MDGA2: variants seen among roughly 807,000 people sequenced by gnomAD.
MDGA2 encodes MAM domain containing glycosylphosphatidylinositol anchor 2, also known as MAM domain-containing glycosylphosphatidylinositol anchor protein 2.
MDGA2 carries 40 observed loss-of-function variants against 117.8 expected under a neutral mutation model. That is an observed-to-expected ratio of 0.34 (90% CI 0.26 to 0.44). The LOEUF (loss-of-function observed/expected upper bound fraction) is 0.44, where lower values mean the gene tolerates loss of function less well. MDGA2 is among the 20% of genes least tolerant of loss of function. MDGA2 has a pLI of 1.00. For synonymous variants in MDGA2, 452 were observed against 439.0 expected (o/e 1.03, Z -0.37); for missense variants, 1,123 against 1,250.6 (o/e 0.90, Z 1.54).
At chr14:47,029,965 C>T (rs751734169) in intron 8 of MDGA2, among the ~76,000 whole-genome samples, 24 of 151,654 alleles carry the variant, frequency 1.6e-4, no homozygotes, top group Non-Finnish European at 2.9e-4. Context: ...GTAGCTGGGA[C>T]TACAGGTGCA....
chr14:47,209,443 A>G (rs1885804540), intron 3 of MDGA2, among the ~76,000 whole-genome samples: 1 of 152,134 alleles, frequency 6.6e-6, no homozygotes, highest in African/African-American at 2.4e-5. Flanking sequence ...ACTGAGGGAA[A>G]GCTGACAGTT....
At chr14:47,640,118 T>C (rs1897396655) in intron 1 of MDGA2, among the ~76,000 whole-genome samples, 1 of 152,212 alleles carries the variant, frequency 6.6e-6, no homozygotes, top group Non-Finnish European at 1.5e-5. Flanking sequence ...GCACATTTAA[T>C]GCACAACATG....
At position 47,063,747 on chromosome 14, in the gene MDGA2, TATA is replaced by T. The variant is rs201926107; in HGVS notation, c.1196-2172_1196-2170del. 5.8e-3 allele frequency among the ~76,000 whole-genome samples: 879 copies of T among 152,108 alleles called. 33 individuals carry two copies. The highest frequency in any genetic ancestry group is 0.054 in the Admixed American group (816 of 15,242). ...CAATTTTGAAAGTTTTATTATTGCA[TATA>T]ATAATTTATTAATAACCATATGACT... On this transcript the variant is annotated intron_variant, in intron 6 of 16. Coordinates refer to ENST00000399232, the MANE Select transcript of MDGA2 (RefSeq NM_001113498.3).
At chr14:47,623,470 A>G (rs1387864189) in intron 1 of MDGA2, among the ~76,000 whole-genome samples, 1 of 152,202 alleles carries the variant, frequency 6.6e-6, no homozygotes, top group South Asian at 2.1e-4. Context: ...CACATACAAT[A>G]TCTAATGCAG....
intron 6 of MDGA2, among the ~76,000 whole-genome samples, chr14:47,095,447 A>T (rs888545001): frequency 3.3e-5 from 5 of 151,938 alleles, no homozygotes; most frequent in Admixed American, 2.6e-4. Context: ...AAAAAATTAA[A>T]TTATTTTGCT....
At chr14:46,985,531 T>A (rs951685052) in intron 8 of MDGA2, among the ~76,000 whole-genome samples, 1 of 152,082 alleles carries the variant, frequency 6.6e-6, no homozygotes, top group African/African-American at 2.4e-5. Flanking sequence ...CTTACCTGAG[T>A]TACTGCTACC....
At chr14:47,388,697 T>C (rs1385318380) in intron 1 of MDGA2, among the ~76,000 whole-genome samples, 3 of 152,120 alleles carry the variant, frequency 2.0e-5, no homozygotes, top group African/African-American at 7.2e-5. Flanking sequence ...TATTCTTCTA[T>C]CATGCTTAGA....
chr14:46,980,206 A>G (rs183072943), intron 8 of MDGA2, among the ~76,000 whole-genome samples: 10 of 152,296 alleles, frequency 6.6e-5, no homozygotes, highest in Non-Finnish European at 1.5e-5. Flanking sequence ...GGAGTTTGGA[A>G]AAAGTTGATC....
intron 8 of MDGA2, chr14:46,960,459 G>C (rs1300871364): frequency 6.6e-6 from 1 of 151,888 alleles, no homozygotes; most frequent in Non-Finnish European, 1.5e-5. Flanking sequence ...GAAACCAAGA[G>C]CTCTTAATGC....
At chr14:47,597,517 T>A (rs1372543387) in intron 1 of MDGA2, among the ~76,000 whole-genome samples, 1 of 152,048 alleles carries the variant, frequency 6.6e-6, no homozygotes, top group Non-Finnish European at 1.5e-5. Flanking sequence ...ATGGAATACA[T>A]TAAGTCTTTT....
Position 47,597,845 on chromosome 14 carries a change from T to TACACACAC in MDGA2, c.280+76664_280+76671dup, listed in dbSNP as rs35221587. Among the ~76,000 whole-genome samples, 1,209 of 141,358 alleles carry TACACACAC rather than the reference T, an allele frequency of 8.6e-3. 13 individuals are homozygous for TACACACAC. The highest frequency in any genetic ancestry group is 0.07 in the East Asian group (332 of 4,748). The allele number at this position is 141,358 out of a possible 152,430, so 92.7% of individuals were successfully genotyped here. A position where few individuals can be genotyped will look rare whatever the true frequency, so the allele number is the denominator to read the frequency against. ...CACAGAGACGCACACCACACACACA[T>TACACACAC]ACACACACACACACACACACACACA... is the stretch of plus-strand genomic sequence containing the variant. On this transcript the variant is annotated intron_variant, in intron 1 of 16. Transcript: ENST00000399232.
At chr14:47,626,699 G>C (rs893283328) in intron 1 of MDGA2, among the ~76,000 whole-genome samples, 2 of 152,166 alleles carry the variant, frequency 1.3e-5, no homozygotes, top group African/African-American at 4.8e-5. Context: ...TTAGCACCTG[G>C]GCCAGCAGCT....
intron 3 of MDGA2, among the ~76,000 whole-genome samples, chr14:47,206,029 C>T (rs1164067155): frequency 1.3e-5 from 2 of 151,984 alleles, no homozygotes; most frequent in Non-Finnish European, 2.9e-5. Context: ...TTTTGCAGAT[C>T]TCAGTCTCAC....
At chr14:47,089,335 T>A (rs1475227264) in intron 6 of MDGA2, among the ~76,000 whole-genome samples, 1 of 152,156 alleles carries the variant, frequency 6.6e-6, no homozygotes, top group Non-Finnish European at 1.5e-5. Flanking sequence ...AGCTTGCTTT[T>A]GGGAAGTTAC....
intron 3 of MDGA2, among the ~76,000 whole-genome samples, chr14:47,214,533 C>G (rs1436317211): frequency 2.0e-5 from 3 of 151,914 alleles, no homozygotes; most frequent in Non-Finnish European, 2.9e-5. Context: ...AATCTATATA[C>G]CTTAATATTT....
At position 46,969,189 on chromosome 14, in the gene MDGA2, G is replaced by T. The variant is rs1886159075; in HGVS notation, c.1820-11546C>A. ...GTTGGTTCCAAGTCTTTGCTATTGT[G>T]ACTATTGCCGCAATAAACATGCATG... On this transcript the variant is annotated intron_variant, in intron 8 of 16. Transcript: ENST00000399232. 2.0e-5 allele frequency among the ~76,000 whole-genome samples: 3 copies of T among 152,128 alleles called. No homozygotes were observed. In the South Asian group the frequency reaches 6.2e-4, roughly 32 times the overall value.
At chr14:47,215,899 G>T (rs1273728204) in intron 3 of MDGA2, among the ~76,000 whole-genome samples, 1 of 152,124 alleles carries the variant, frequency 6.6e-6, no homozygotes, top group Non-Finnish European at 1.5e-5. Context: ...TGCTTGTCAA[G>T]TCGAGGTTGC....
intron 8 of MDGA2, among the ~76,000 whole-genome samples, chr14:46,968,022 C>T (rs763133268): frequency 5.3e-5 from 8 of 152,068 alleles, no homozygotes; most frequent in Non-Finnish European, 1.0e-4. Context: ...ATGAGAAAAC[C>T]GCTTGACTCT....
chr14:47,408,727 T>C (rs900226205), intron 1 of MDGA2, among the ~76,000 whole-genome samples: 16 of 152,174 alleles, frequency 1.1e-4, no homozygotes, highest in African/African-American at 3.9e-4. Context: ...ATAATTAAAT[T>C]AGATAGTATT....
Sources: gnomAD v4.1 joint callset for allele counts (sites outside exome capture counted in the v4.1 genomes callset) on GRCh38, gnomAD v4.1.1 for gene constraint, MANE v1.5 for transcripts, NCBI Gene and HGNC (gene_info 2026-07-23, HGNC 2026-07-21) for gene names.